The following CACNA2D3 variants were observed in gnomAD, a reference collection of about 807,000 sequenced individuals.
The protein encoded by CACNA2D3 is calcium voltage-gated channel auxiliary subunit alpha2delta 3, also known as voltage-dependent calcium channel subunit alpha-2/delta-3.
Under a neutral mutation model 160.6 loss-of-function variants are expected in CACNA2D3, and 60 were observed. The observed-to-expected ratio is 0.37, with a 90% confidence interval of 0.30 to 0.46. The LOEUF is 0.46. CACNA2D3 is among the 20% of genes least tolerant of loss of function. CACNA2D3 has a pLI of 1.00. For missense variants in CACNA2D3, 1,205 were observed against 1,365.0 expected, an observed-to-expected ratio of 0.88 and a Z score of 1.85; for synonymous variants, 558 against 492.9, an observed-to-expected ratio of 1.13 and a Z score of -1.75.
chr3:54,872,448 G>A (rs1270952444), intron 18 of CACNA2D3, among the ~76,000 whole-genome samples: 1 of 151,938 alleles, frequency 6.6e-6, no homozygotes, highest in Non-Finnish European at 1.5e-5. Flanking sequence ...TCCCAGATTC[G>A]TCTAGGGTCC....
At chr3:54,759,722 C>T (rs565146085) in intron 12 of CACNA2D3, among the ~76,000 whole-genome samples, 118 of 152,236 alleles carry the variant, frequency 7.8e-4, no homozygotes, top group African/African-American at 2.7e-3. Flanking sequence ...ATTGCCCCAT[C>T]CCCATCCTCA....
At chr3:54,163,855 A>C (rs1700397426) in intron 2 of CACNA2D3, among the ~76,000 whole-genome samples, 1 of 152,150 alleles carries the variant, frequency 6.6e-6, no homozygotes, top group South Asian at 2.1e-4. Flanking sequence ...CAGGTGCAGC[A>C]GGAGGTACCT....
At chr3:54,311,286 G>C (rs1031874390) in intron 2 of CACNA2D3, among the ~76,000 whole-genome samples, 1 of 152,098 alleles carries the variant, frequency 6.6e-6, no homozygotes, top group Non-Finnish European at 1.5e-5. Context: ...ACTGTCCCCT[G>C]TTTCTCTTCT....
At chr3:54,758,661 C>A (rs992643531) in intron 12 of CACNA2D3, among the ~76,000 whole-genome samples, 1 of 152,148 alleles carries the variant, frequency 6.6e-6, no homozygotes, top group Non-Finnish European at 1.5e-5. Flanking sequence ...AACACCATTG[C>A]TCATAGGGAA....
chr3:54,618,374 TGCAC>T lies in CACNA2D3; in HGVS notation c.964-9412_964-9409del, dbSNP rs1409705795. Among the ~76,000 whole-genome samples the T allele has an allele frequency of 9.9e-3, 541 of 54,508 alleles. 6 individuals are homozygous for T. The East Asian group carries it at 0.14, about 15-fold the overall frequency. The allele number at this position is 54,508 out of a possible 152,430, so 35.8% of individuals were successfully genotyped here. A position where few individuals can be genotyped will look rare whatever the true frequency, so the allele number is the denominator to read the frequency against. ...ATACATATATATATATATATATATATGCACACACACACACACACACACACACACA... is the reference window on the plus strand; with the variant it reads ...ATACATATATATATATATATATATATACACACACACACACACACACACACA... On this transcript the variant is annotated intron_variant, in intron 9 of 37. Transcript: ENST00000474759.
chr3:55,010,970 A>G (rs1215549705), intron 34 of CACNA2D3, among the ~76,000 whole-genome samples: 1 of 152,236 alleles, frequency 6.6e-6, no homozygotes, highest in African/African-American at 2.4e-5. Flanking sequence ...TAGGTGCTTT[A>G]TCTTTGCTGA....
rs546670389 is a variant in CACNA2D3 at position 54,527,097 on chromosome 3, G to T, written c.544+23443G>T. On this transcript the variant is annotated intron_variant, in intron 5 of 37. Transcript: ENST00000474759. Reference sequence around the variant, plus strand: ...GATCAAATCCTTGCTCTTCTGAAGGGATATTTCCCAAGGCCAGTATTTGAG... The same window carrying T: ...GATCAAATCCTTGCTCTTCTGAAGGTATATTTCCCAAGGCCAGTATTTGAG... Among the ~76,000 whole-genome samples, 15 of 152,318 alleles carry T rather than the reference G, an allele frequency of 9.8e-5. No homozygotes were observed. In the South Asian group the frequency reaches 3.1e-3, roughly 32 times the overall value.
At chr3:54,512,391 G>T (rs1701472963) in intron 5 of CACNA2D3, among the ~76,000 whole-genome samples, 1 of 152,210 alleles carries the variant, frequency 6.6e-6, no homozygotes, top group Non-Finnish European at 1.5e-5. Context: ...TCAGACTACT[G>T]TGTAACAAAA....
intron 4 of CACNA2D3, among the ~76,000 whole-genome samples, chr3:54,426,264 A>AAT (rs1699910827): frequency 1.3e-5 from 2 of 152,150 alleles, no homozygotes; most frequent in African/African-American, 2.4e-5. Flanking sequence ...ACTAATTTGA[A>AAT]ATATATATAT....
chr3:54,822,605 T>A, intron 14 of CACNA2D3, among the ~76,000 whole-genome samples: 1 of 152,268 alleles, frequency 6.6e-6, no homozygotes, highest in African/African-American at 2.4e-5. Context: ...TCAAAGTGCA[T>A]GGCTTCCTAA....
At chr3:54,446,828 T>A (rs911717180) in intron 4 of CACNA2D3, among the ~76,000 whole-genome samples, 2 of 152,028 alleles carry the variant, frequency 1.3e-5, no homozygotes, top group South Asian at 2.1e-4. Context: ...CCCTCCCCAC[T>A]GAATTCTCTG....
chr3:54,824,007 C>G (rs1288481247), intron 14 of CACNA2D3, among the ~76,000 whole-genome samples: 2 of 152,166 alleles, frequency 1.3e-5, no homozygotes, highest in Non-Finnish European at 2.9e-5. Flanking sequence ...CAATAGTCTG[C>G]TAAGCCCAAC....
intron 11 of CACNA2D3, among the ~76,000 whole-genome samples, chr3:54,664,861 G>A (rs569463423): frequency 6.6e-6 from 1 of 152,332 alleles, no homozygotes; most frequent in South Asian, 2.1e-4. Flanking sequence ...CTGGCTGTGT[G>A]TTGGTACATA....
intron 31 of CACNA2D3, 112 bp downstream of exon 31, chr3:54,987,865 T>C (rs1414861467): frequency 3.0e-6 from 2 of 660,942 alleles, no homozygotes; most frequent in Non-Finnish European, 5.0e-6. Flanking sequence ...TGGTTTTTAC[T>C]TGTGTTCATG....
At chr3:54,175,573 A>T (rs1400785023) in intron 2 of CACNA2D3, among the ~76,000 whole-genome samples, 1 of 147,392 alleles carries the variant, frequency 6.8e-6, no homozygotes. Flanking sequence ...AGGTTGCGAC[A>T]CTGCACTCCA....
chr3:54,817,311 TA>T (rs1486531058), intron 14 of CACNA2D3, among the ~76,000 whole-genome samples: 1 of 152,214 alleles, frequency 6.6e-6, no homozygotes, highest in African/African-American at 2.4e-5. Flanking sequence ...TTATTAATTG[TA>T]AAAATCAGCA....
intron 25 of CACNA2D3, among the ~76,000 whole-genome samples, chr3:54,893,508 A>G (rs1202109402): frequency 6.6e-6 from 1 of 152,004 alleles, no homozygotes. Context: ...ATCAAATGGT[A>G]TTTGTCAAGA....
At chr3:54,199,010 T>C (rs559169170) in intron 2 of CACNA2D3, among the ~76,000 whole-genome samples, 1 of 152,376 alleles carries the variant, frequency 6.6e-6, no homozygotes, top group African/African-American at 2.4e-5. Context: ...TTTCTCATCA[T>C]TTCTTTCTTA....
At chr3:54,808,567 G>T (rs1408648306) in intron 13 of CACNA2D3, among the ~76,000 whole-genome samples, 4 of 152,172 alleles carry the variant, frequency 2.6e-5, no homozygotes, top group Non-Finnish European at 5.9e-5. Flanking sequence ...GGAAAGCGAT[G>T]AGTTGAGTTG....
Sources: allele counts gnomAD v4.1 joint callset (sites outside exome capture counted in the v4.1 genomes callset), GRCh38; gene constraint gnomAD v4.1.1; transcripts MANE v1.5; gene names NCBI Gene and HGNC (gene_info 2026-07-23, HGNC 2026-07-21).